Variants in DIAPH2 observed in about 807,000 individuals in gnomAD.
DIAPH2 encodes protein diaphanous homolog 2.
DIAPH2 carries 35 observed loss-of-function variants against 92.7 expected under a neutral mutation model. The observed-to-expected ratio is 0.38, with a 90% CI of 0.29 to 0.50. The LOEUF (loss-of-function observed/expected upper bound fraction) is 0.50, where lower values mean the gene tolerates loss of function less well. Ranked by LOEUF, DIAPH2 falls within the 20% of genes least tolerant of loss-of-function variation. The pLI is 0.94. For missense variants in DIAPH2, 701 were observed against 819.5 expected (o/e 0.86, Z 1.77); for synonymous variants, 301 against 280.4 (o/e 1.07, Z -0.73).
intron 1 of DIAPH2, among the ~76,000 whole-genome samples, chrX:96,688,783 T>G (rs968793286): frequency 3.6e-5 from 4 of 112,007 alleles, no homozygotes; most frequent in Non-Finnish European, 7.5e-5. Context: ...GGAAGTTAAT[T>G]AATGCTTAAA....
rs17337805 is a variant in DIAPH2 at position 97,526,392 on chromosome X, G to C, written c.3242-72861G>C. On this transcript the variant is annotated intron_variant, in intron 26 of 26. Coordinates refer to ENST00000324765, the MANE Select transcript of DIAPH2 (RefSeq NM_006729.5). ...CCACTGCTCTTGAAGTCTTAAAATA[G>C]TATCTCTTCTTGTTGAATCCATGGG... Among the ~76,000 whole-genome samples, 2,210 of 107,774 alleles carry C rather than the reference G, an allele frequency of 0.021. 116 individuals are homozygous for C. The East Asian group carries it at 0.22, about 11-fold the overall frequency. 93.6% of individuals were successfully genotyped at this position (107,774 alleles called of 115,157 possible).
intron 3 of DIAPH2, among the ~76,000 whole-genome samples, chrX:96,749,981 A>C (rs2064176647): frequency 9.1e-6 from 1 of 110,254 alleles, no homozygotes; most frequent in African/African-American, 3.3e-5. Flanking sequence ...TTTCTTACTA[A>C]TTGTTAAAAC....
rs767314780 is a variant in DIAPH2 at position 97,302,295 on chromosome X, G to A, written c.2845-45821G>A. 5.5e-4 allele frequency among the ~76,000 whole-genome samples: 59 copies of A among 107,839 alleles called. No individual in the cohort carries two copies. The South Asian group carries it at 7.1e-3, about 13-fold the overall frequency. The allele number at this position is 107,839 out of a possible 115,157, so 93.6% of individuals were successfully genotyped here. A position where few individuals can be genotyped will look rare whatever the true frequency, so the allele number is the denominator to read the frequency against. On this transcript the variant is annotated intron_variant, in intron 23 of 26. Coordinates refer to ENST00000324765, the MANE Select transcript of DIAPH2 (RefSeq NM_006729.5). ...TGTAATCCCAGCACTTTGGGAGGCC[G>A]AGGTGGGCGGATCACCTGAGGGCAG...
rs186204826 is a variant in DIAPH2 at position 96,916,107 on chromosome X, A to G, written c.733-331A>G. ...TCCAGGGAGACCCAGTGACATAAGT[A>G]GAATCTTACTTTAGAAAATCATATC... is the stretch of plus-strand genomic sequence containing the variant. On this transcript the variant is annotated intron_variant, in intron 7 of 26. Transcript: ENST00000324765. Among the ~76,000 whole-genome samples the G allele has an allele frequency of 6.6e-3, 736 of 111,968 alleles. 2 individuals carry two copies. Among genetic ancestry groups the G allele is most frequent in the Non-Finnish European group, 0.011 (576 of 52,897 alleles).
chrX:97,454,846 T>A (rs2070390016), intron 26 of DIAPH2, among the ~76,000 whole-genome samples: 1 of 108,031 alleles, frequency 9.3e-6, no homozygotes, highest in South Asian at 4.2e-4. Flanking sequence ...AGAGTGAGAC[T>A]TCGTCTCAAA....
intron 13 of DIAPH2, 26 bp from the exon 14 acceptor site, chrX:96,945,501 G>A (rs201665894): frequency 1.5e-4 from 172 of 1,137,842 alleles, no homozygotes; most frequent in Non-Finnish European, 1.9e-4. Context: ...CCATAATTTC[G>A]AATCACTTTT....
intron 26 of DIAPH2, among the ~76,000 whole-genome samples, chrX:97,549,619 T>C (rs1352879919): frequency 9.0e-6 from 1 of 111,711 alleles, no homozygotes; most frequent in East Asian, 2.8e-4. Flanking sequence ...TAAATCAACA[T>C]TGATAAATTA....
chrX:97,481,847 T>C (rs1025487236), intron 26 of DIAPH2, among the ~76,000 whole-genome samples: 1 of 111,884 alleles, frequency 8.9e-6, no homozygotes, highest in African/African-American at 3.2e-5. Context: ...TTAAATTGGC[T>C]CTAGGCACAG....
At chrX:96,859,118 T>C (rs2065057230) in intron 4 of DIAPH2, among the ~76,000 whole-genome samples, 1 of 111,394 alleles carries the variant, frequency 9.0e-6, no homozygotes, top group Non-Finnish European at 1.9e-5. Context: ...TGATGTGTTA[T>C]CAATACCATT....
At chrX:96,882,974 AAAAAAAAAACAAAAAAAC>A (rs1324938555) in intron 5 of DIAPH2, among the ~76,000 whole-genome samples, 5 of 53,562 alleles carry the variant, frequency 9.3e-5, no homozygotes, top group African/African-American at 2.0e-4. Context: ...AAAAAAAAAA[AAAAAAAAAACAAAAAAAC>A]AAAAATCCGG....
intron 26 of DIAPH2, among the ~76,000 whole-genome samples, chrX:97,485,869 G>A (rs1791854576): frequency 9.0e-6 from 1 of 110,747 alleles, no homozygotes; most frequent in Admixed American, 9.6e-5. Context: ...AGTACAGATT[G>A]CCACTTTTGT....
At chrX:96,776,271 C>T (rs763135312) in intron 4 of DIAPH2, among the ~76,000 whole-genome samples, 10 of 110,940 alleles carry the variant, frequency 9.0e-5, no homozygotes, top group African/African-American at 1.3e-4. Flanking sequence ...AGTGCAGTGG[C>T]GCAATCCCTG....
At chrX:96,917,914 G>A (rs1191347609) in intron 8 of DIAPH2, among the ~76,000 whole-genome samples, 6 of 111,226 alleles carry the variant, frequency 5.4e-5, no homozygotes, top group African/African-American at 1.9e-4. Context: ...GTCATATTAT[G>A]TTTAAGTGAT....
At chrX:97,007,684 A>G (rs1288138072) in intron 17 of DIAPH2, among the ~76,000 whole-genome samples, 1 of 106,174 alleles carries the variant, frequency 9.4e-6, no homozygotes, top group Non-Finnish European at 1.9e-5. Flanking sequence ...TATTTCTTGT[A>G]TATTGGTATC....
chrX:97,390,925 T>C (rs762937030), intron 25 of DIAPH2, among the ~76,000 whole-genome samples: 6 of 112,251 alleles, frequency 5.3e-5, no homozygotes, highest in Non-Finnish European at 7.5e-5. Flanking sequence ...ATTTATTTTT[T>C]ATGTTTTAGT....
At position 96,862,181 on chromosome X, in the gene DIAPH2, T is replaced by A. The variant is rs192376164; in HGVS notation, c.448-19398T>A. Among the ~76,000 whole-genome samples the A allele has an allele frequency of 7.2e-5, 8 of 111,667 alleles. No homozygotes were observed. In the Admixed American group the frequency reaches 7.6e-4, roughly 11 times the overall value. ...TACCATATCCGTAGAGTTAGCAGAG[T>A]GTCTGGCACATAGTAGATGCGTGCT... On this transcript the variant is annotated intron_variant, in intron 4 of 26. Transcript: ENST00000324765.
intron 22 of DIAPH2, among the ~76,000 whole-genome samples, chrX:97,146,165 G>A (rs1448431730): frequency 2.8e-5 from 3 of 108,140 alleles, no homozygotes; most frequent in Non-Finnish European, 5.7e-5. Context: ...AACTTGTCTT[G>A]TTTACTTAAT....
At chrX:96,976,291 GAA>G (rs35575627) in intron 17 of DIAPH2, among the ~76,000 whole-genome samples, 6 of 102,648 alleles carry the variant, frequency 5.8e-5, no homozygotes, top group Admixed American at 1.1e-4. Flanking sequence ...CCATCTCAAA[GAA>G]AAAAAAAAAC....
chrX:97,036,871 A>T (rs1452014381), intron 17 of DIAPH2, among the ~76,000 whole-genome samples: 1 of 112,036 alleles, frequency 8.9e-6, no homozygotes, highest in Non-Finnish European at 1.9e-5. Flanking sequence ...GACAATCATT[A>T]AAATAGCAGA....
Sources: gnomAD v4.1 joint callset for allele counts (sites outside exome capture counted in the v4.1 genomes callset) on GRCh38, gnomAD v4.1.1 for gene constraint, MANE v1.5 for transcripts, NCBI Gene and HGNC (gene_info 2026-07-23, HGNC 2026-07-21) for gene names.